The following OLFM4 variants were observed in gnomAD, a reference collection of about 807,000 sequenced individuals.
OLFM4 encodes the protein olfactomedin 4.
OLFM4 carries 22 observed loss-of-function variants against 25.5 expected under a neutral mutation model. The observed-to-expected ratio is 0.86, with a 90% CI of 0.62 to 1.23. The LOEUF (loss-of-function observed/expected upper bound fraction) is 1.23. OLFM4 is among the 50% of genes most tolerant of loss of function. The pLI is 0.00. For missense variants in OLFM4, 594 were observed against 619.4 expected, an observed-to-expected ratio of 0.96 and a Z score of 0.44; for synonymous variants, 255 against 237.7, an observed-to-expected ratio of 1.07 and a Z score of -0.67.
chr13:53,039,341 C>A (rs1032534841), intron 2 of OLFM4, among the ~76,000 whole-genome samples: 1 of 152,158 alleles, frequency 6.6e-6, no homozygotes, highest in African/African-American at 2.4e-5. Flanking sequence ...GACACTGGAA[C>A]CTGGCAGCCC....
chr13:53,042,819 T>C (rs1239894067), intron 3 of OLFM4, among the ~76,000 whole-genome samples: 1 of 152,240 alleles, frequency 6.6e-6, no homozygotes, highest in Non-Finnish European at 1.5e-5. Flanking sequence ...GGAAGGTTAT[T>C]AGAAATGAAC....
At position 53,050,203 on chromosome 13, in the gene OLFM4, G is replaced by A. The variant is rs767673889; in HGVS notation, c.965G>A (p.Arg322Gln). 16 of 1,613,830 alleles carry A rather than the reference G, an allele frequency of 9.9e-6. No individual in the cohort carries two copies. Among genetic ancestry groups the A allele is most frequent in the African/African-American group, 6.7e-5 (5 of 74,848 alleles). Residue 322 changes from arginine (R) to glutamine (Q), a missense_variant, in exon 5 of 5, where the codon CGG becomes CAG. Physicochemically the swap from Arg to Gln is conservative, Grantham distance 43 (BLOSUM62 1). Transcript: ENST00000219022. ...LLLYINAREL[R>Q]ITYGQGSGTA... ...TTGTATATAAATGCTCGAGAGTTGC[G>A]GATCACCTATGGCCAAGGTAGTGGT...
chr13:53,045,601 T>C (rs1442458679), intron 4 of OLFM4, among the ~76,000 whole-genome samples: 1 of 152,076 alleles, frequency 6.6e-6, no homozygotes, highest in Non-Finnish European at 1.5e-5. Context: ...CTGTCTGCTT[T>C]TTTCACTGCA....
At chr13:53,049,918 C>G (rs1954736231) in intron 4 of OLFM4, 51 bp from the exon 5 acceptor site, 1 of 1,496,784 alleles carries the variant, frequency 6.7e-7, no homozygotes. Context: ...CTATTTGTAT[C>G]CTGTCATTCC....
chr13:53,030,542 C>T (rs1337085692), intron 1 of OLFM4, among the ~76,000 whole-genome samples: 2 of 152,146 alleles, frequency 1.3e-5, no homozygotes, highest in Non-Finnish European at 2.9e-5. Context: ...ACCTCATGAT[C>T]TGCCTGCCTC....
At position 53,051,268 on chromosome 13, in the gene OLFM4, C is replaced by T. The variant is rs1387796398; in HGVS notation, c.*497C>T. 5 of 152,982 alleles carry T rather than the reference C, an allele frequency of 3.3e-5. No individual in the cohort carries two copies. The highest frequency in any genetic ancestry group is 9.7e-5 in the African/African-American group (4 of 41,440). 9.5% of individuals were successfully genotyped at this position (152,982 alleles called of 1,614,324 possible). ...AATCTCCAACTTTTTTTTCCCCTCA[C>T]TAGCACCTGGAATGATGCTTTGTAT... On this transcript the variant is annotated 3_prime_UTR_variant, in exon 5 of 5. Coordinates refer to ENST00000219022, the MANE Select transcript of OLFM4 (RefSeq NM_006418.5).
intron 2 of OLFM4, among the ~76,000 whole-genome samples, chr13:53,039,773 C>T (rs1954678093): frequency 6.6e-6 from 1 of 152,172 alleles, no homozygotes; most frequent in South Asian, 2.1e-4. Context: ...GCTTTGTCAT[C>T]CTCCGAGTTA....
Position 53,041,498 on chromosome 13 carries a change from A to T in OLFM4, c.358-412A>T, listed in dbSNP as rs536491158. ...GGAGGGTGAAAGGAGGGAGAGGAAC[A>T]ACAACAAAAAAATCTATTGGGTGCT... On this transcript the variant is annotated intron_variant, in intron 2 of 4. Coordinates refer to ENST00000219022, the MANE Select transcript of OLFM4 (RefSeq NM_006418.5). Among the ~76,000 whole-genome samples the T allele has an allele frequency of 2.1e-4, 32 of 152,268 alleles. No homozygotes were observed. The South Asian group carries it at 6.6e-3, about 32-fold the overall frequency.
chr13:53,034,056 C>CAAAAAA (rs397851637), intron 1 of OLFM4, among the ~76,000 whole-genome samples: 3 of 41,054 alleles, frequency 7.3e-5, no homozygotes, highest in Non-Finnish European at 1.2e-4. Flanking sequence ...GACTCCGTCT[C>CAAAAAA]AAAAAAAAAA....
Position 53,050,026 on chromosome 13 carries a change from A to G in OLFM4, c.788A>G (p.Asn263Ser). The G allele has an allele frequency of 6.2e-7, 1 of 1,613,584 alleles. No homozygotes were observed. The highest frequency in any genetic ancestry group is 8.5e-7 in the Non-Finnish European group (1 of 1,179,554). ...AGCAAACCGTCTGTGGTTCAGCTCA[A>G]CTGGAGAGGGTTTTCTTATCTATAT... is the stretch of plus-strand genomic sequence containing the variant. The part of the protein sequence containing the change: ...NISKPSVVQL[N>S]WRGFSYLYGA... The change falls in exon 5 of 5, where the codon AAC becomes AGC. Residue 263 changes from asparagine (N) to serine (S), a missense_variant. Transcript: ENST00000219022.
chr13:53,033,380 T>C (rs1000149568), intron 1 of OLFM4, among the ~76,000 whole-genome samples: 1 of 152,240 alleles, frequency 6.6e-6, no homozygotes, highest in African/African-American at 2.4e-5. Context: ...TTGAAGGATG[T>C]TAATTTGCAA....
chr13:53,035,063 A>G (rs893382290), intron 2 of OLFM4, among the ~76,000 whole-genome samples: 1 of 149,344 alleles, frequency 6.7e-6, no homozygotes. Flanking sequence ...ATTTTTGGGT[A>G]TTTTCTTACT....
In OLFM4 at chr13:53,050,558, GT is replaced by G; in HGVS notation, c.1321del (p.Tyr441MetfsTer6). The G allele has an allele frequency of 6.2e-7, 1 of 1,613,972 alleles. No individual in the cohort carries two copies. The highest frequency in any genetic ancestry group is 1.1e-5 in the South Asian group (1 of 91,078). ...ACGCCTTCATGGTATGTGGGGTTCT[GT>G]ATGCCACCCGTACTATGAACACCAG... ...SNAFMVCGVL[Y>X]ATRTMNTRTE... On this transcript the variant is annotated frameshift_variant, in exon 5 of 5. Transcript: ENST00000219022. LOFTEE classifies it high-confidence loss of function.
At chr13:53,049,481 T>A (rs1377038679) in intron 4 of OLFM4, among the ~76,000 whole-genome samples, 1 of 152,172 alleles carries the variant, frequency 6.6e-6, no homozygotes, top group Non-Finnish European at 1.5e-5. Context: ...GAAAATCTTC[T>A]CCCTCATCAC....
intron 2 of OLFM4, among the ~76,000 whole-genome samples, chr13:53,035,193 A>G (rs1954651864): frequency 6.6e-6 from 1 of 151,358 alleles, no homozygotes; most frequent in African/African-American, 2.4e-5. Flanking sequence ...TTATCTTTAC[A>G]AATTGCTCAC....
intron 4 of OLFM4, among the ~76,000 whole-genome samples, chr13:53,044,116 A>C (rs1954702834): frequency 6.6e-6 from 1 of 152,222 alleles, no homozygotes; most frequent in Non-Finnish European, 1.5e-5. Flanking sequence ...TGTGGGGATT[A>C]ATGAGTCAGT....
rs7993837 is a variant in OLFM4 at position 53,051,253 on chromosome 13, T to C, written c.*482T>C. 0.048 allele frequency: 7,342 copies of C among 153,018 alleles called. 590 individuals are homozygous for C. The highest frequency in any genetic ancestry group is 0.17 in the African/African-American group (6,848 of 41,456). 9.5% of individuals were successfully genotyped at this position (153,018 alleles called of 1,614,324 possible). ...CTCCTCGAGGGACCAAATCTCCAAC[T>C]TTTTTTTCCCCTCACTAGCACCTGG... On this transcript the variant is annotated 3_prime_UTR_variant, in exon 5 of 5. Coordinates refer to ENST00000219022, the MANE Select transcript of OLFM4 (RefSeq NM_006418.5).
At chr13:53,030,970 A>G (rs765323398) in intron 1 of OLFM4, among the ~76,000 whole-genome samples, 1 of 152,200 alleles carries the variant, frequency 6.6e-6, no homozygotes, top group Non-Finnish European at 1.5e-5. Flanking sequence ...AACAATAATA[A>G]TTTATTATGA....
At chr13:53,035,884 C>G (rs1313987860) in intron 2 of OLFM4, among the ~76,000 whole-genome samples, 2 of 152,116 alleles carry the variant, frequency 1.3e-5, no homozygotes, top group Non-Finnish European at 2.9e-5. Flanking sequence ...CTTTTCAGCC[C>G]AAGTTAAAAA....
Sources: gnomAD v4.1 joint callset for allele counts (sites outside exome capture counted in the v4.1 genomes callset) on GRCh38, gnomAD v4.1.1 for gene constraint, MANE v1.5 for transcripts, NCBI Gene and HGNC (gene_info 2026-07-23, HGNC 2026-07-21) for gene names.